The following NCAM1 variants were observed in gnomAD, a reference collection of about 807,000 sequenced individuals.
NCAM1 encodes the protein neural cell adhesion molecule 1, also known as antigen recognized by monoclonal antibody 5.1H11.
In NCAM1, 14 loss-of-function variants were observed where a neutral mutation model predicts 109.8. The observed-to-expected ratio is 0.13, with a 90% CI of 0.08 to 0.20. The LOEUF (loss-of-function observed/expected upper bound fraction) is 0.20. Ranked by LOEUF, NCAM1 falls within the 10% of genes least tolerant of loss-of-function variation. The pLI, the probability that NCAM1 is intolerant of heterozygous loss-of-function variation, is 1.00. For missense variants in NCAM1, 774 were observed against 1,109.9 expected (o/e 0.70, Z 4.30); for synonymous variants, 418 against 442.9 (o/e 0.94, Z 0.70).
chr11:113,068,449 C>T (rs1938085881), intron 1 of NCAM1, among the ~76,000 whole-genome samples: 1 of 152,154 alleles, frequency 6.6e-6, no homozygotes, highest in African/African-American at 2.4e-5. Context: ...CAGTGCATGG[C>T]ACCTGGGATG....
At chr11:113,160,384 C>A (rs1555104151) in intron 1 of NCAM1, among the ~76,000 whole-genome samples, 1 of 152,142 alleles carries the variant, frequency 6.6e-6, no homozygotes, top group Non-Finnish European at 1.5e-5. Context: ...GTTCTAATAG[C>A]AAGACATGAA....
At chr11:113,113,743 T>C (rs113723576) in intron 1 of NCAM1, among the ~76,000 whole-genome samples, 3 of 145,586 alleles carry the variant, frequency 2.1e-5, no homozygotes, top group African/African-American at 7.7e-5. Context: ...AAGTCTTGCC[T>C]CTTTAGTTTA....
rs71060298 is a variant in NCAM1, at chr11:113,271,369, C to CAAAAAAA, written c.2340-370_2340-364dup. Among the ~76,000 whole-genome samples, 39 of 66,862 alleles carry CAAAAAAA rather than the reference C, an allele frequency of 5.8e-4. 1 individual carries two copies. Among genetic ancestry groups the CAAAAAAA allele is most frequent in the African/African-American group, 1.7e-3 (27 of 15,452 alleles). 43.9% of individuals were successfully genotyped at this position (66,862 alleles called of 152,430 possible). On this transcript the variant is annotated intron_variant, in intron 18 of 19. Transcript: ENST00000316851. Reference sequence around the variant, plus strand: ...TGGGCGACATAGAGAGACTCTGTCTCAAAAAAAAAAAAAAAAAAAAAAAAA... The same window carrying CAAAAAAA: ...TGGGCGACATAGAGAGACTCTGTCTCAAAAAAAAAAAAAAAAAAAAAAAAAAAAAAAA...
At chr11:113,081,058 C>T (rs1307748767) in intron 1 of NCAM1, among the ~76,000 whole-genome samples, 2 of 152,190 alleles carry the variant, frequency 1.3e-5, no homozygotes, top group Non-Finnish European at 2.9e-5. Context: ...TATGCTGTTT[C>T]ATTTAGTTCT....
chr11:113,073,464 T>G (rs1466908818), intron 1 of NCAM1, among the ~76,000 whole-genome samples: 5 of 152,232 alleles, frequency 3.3e-5, no homozygotes, highest in African/African-American at 9.6e-5. Context: ...AGTGCCTCTA[T>G]GGGAATGTGT....
chr11:112,975,901 C>T (rs2134604055), intron 1 of NCAM1, among the ~76,000 whole-genome samples: 1 of 152,006 alleles, frequency 6.6e-6, no homozygotes, highest in South Asian at 2.1e-4. Flanking sequence ...AGAATATAAA[C>T]ATTTCACACA....
At chr11:113,241,966 T>C (rs645965) in intron 14 of NCAM1, among the ~76,000 whole-genome samples, 14,380 of 152,158 alleles carry the variant, frequency 0.095, 1,041 homozygotes, top group African/African-American at 0.2. Context: ...CATGCAGTGC[T>C]TTTCCAGGCA....
At chr11:113,128,948 T>C (rs10588285) in intron 1 of NCAM1, among the ~76,000 whole-genome samples, 10,225 of 144,994 alleles carry the variant, frequency 0.071, 546 homozygotes, top group East Asian at 0.27. Flanking sequence ...TGTGTGTGTG[T>C]GCATGCGTGC....
intron 1 of NCAM1, among the ~76,000 whole-genome samples, chr11:113,171,160 C>G (rs1942977522): frequency 6.6e-6 from 1 of 152,158 alleles, no homozygotes; most frequent in African/African-American, 2.4e-5. Flanking sequence ...ATGTTATTAT[C>G]TTCATTTTGC....
At chr11:113,173,487 C>T (rs1943051131) in intron 1 of NCAM1, among the ~76,000 whole-genome samples, 2 of 151,272 alleles carry the variant, frequency 1.3e-5, no homozygotes, top group African/African-American at 4.9e-5. Flanking sequence ...TGTGCGTGGT[C>T]TCTGCTGTTT....
At chr11:113,137,275 A>G (rs1941635441) in intron 1 of NCAM1, among the ~76,000 whole-genome samples, 1 of 152,256 alleles carries the variant, frequency 6.6e-6, no homozygotes, top group African/African-American at 2.4e-5. Flanking sequence ...TCTCCATGTT[A>G]TCTGGAAACC....
chr11:113,182,533 A>G (rs1055775899), intron 1 of NCAM1, among the ~76,000 whole-genome samples: 2 of 152,116 alleles, frequency 1.3e-5, no homozygotes, highest in Admixed American at 1.3e-4. Context: ...TCCATGTGTC[A>G]TTTTGCTTGC....
At chr11:112,970,191 T>TA (rs1360028340) in intron 1 of NCAM1, among the ~76,000 whole-genome samples, 1 of 152,130 alleles carries the variant, frequency 6.6e-6, no homozygotes, top group Non-Finnish European at 1.5e-5. Flanking sequence ...ACAGAGAAAT[T>TA]AAAAATATAT....
intron 1 of NCAM1, among the ~76,000 whole-genome samples, chr11:113,123,010 T>C (rs1379410256): frequency 6.6e-6 from 1 of 152,022 alleles, no homozygotes; most frequent in Non-Finnish European, 1.5e-5. Context: ...AAAATGTTGA[T>C]CTCAAGGAGG....
chr11:113,234,754 G>A (rs1319189398), intron 13 of NCAM1, among the ~76,000 whole-genome samples: 1 of 152,144 alleles, frequency 6.6e-6, no homozygotes, highest in Non-Finnish European at 1.5e-5. Context: ...GTGAACATGG[G>A]TAGCCCAGGT....
intron 1 of NCAM1, among the ~76,000 whole-genome samples, chr11:113,180,334 T>C (rs1228505532): frequency 6.6e-6 from 1 of 152,204 alleles, no homozygotes; most frequent in Non-Finnish European, 1.5e-5. Flanking sequence ...ACAGGGGTAT[T>C]GAAAGGCAGG....
chr11:113,271,284 C>T (rs782811256), intron 18 of NCAM1, among the ~76,000 whole-genome samples: 9 of 140,210 alleles, frequency 6.4e-5, no homozygotes, highest in South Asian at 2.3e-4. Context: ...GCTGGAGAAT[C>T]GCTTGAACCC....
At chr11:112,997,918 G>C (rs781930981) in intron 1 of NCAM1, among the ~76,000 whole-genome samples, 1 of 152,254 alleles carries the variant, frequency 6.6e-6, no homozygotes, top group East Asian at 1.9e-4. Flanking sequence ...TTCCCACGAA[G>C]ACACTTTTGC....
chr11:113,169,863 G>C (rs1942934877), intron 1 of NCAM1, among the ~76,000 whole-genome samples: 1 of 152,070 alleles, frequency 6.6e-6, no homozygotes. Flanking sequence ...CTGACCTCAA[G>C]TGATCCTCCC....
Sources: gnomAD v4.1 joint callset for allele counts (sites outside exome capture counted in the v4.1 genomes callset) on GRCh38, gnomAD v4.1.1 for gene constraint, MANE v1.5 for transcripts, NCBI Gene and HGNC (gene_info 2026-07-23, HGNC 2026-07-21) for gene names.